The following MTARC1 variants were observed in gnomAD, a reference collection of about 807,000 sequenced individuals.
MTARC1 encodes the protein mitochondrial amidoxime reducing component 1.
In MTARC1, 24 loss-of-function variants were observed where a neutral mutation model predicts 33.6. That is an observed-to-expected ratio of 0.72 (90% confidence interval 0.52 to 1.01). The LOEUF is 1.01. Ranked by LOEUF, MTARC1 falls within the 50% of genes least tolerant of loss-of-function variation. The pLI, the probability that MTARC1 is intolerant of heterozygous loss-of-function variation, is 0.00. For synonymous variants in MTARC1, 187 were observed against 189.5 expected, an observed-to-expected ratio of 0.99 and a Z score of 0.11; for missense variants, 417 against 445.7, an observed-to-expected ratio of 0.94 and a Z score of 0.58.
intron 1 of MTARC1, among the ~76,000 whole-genome samples, chr1:220,789,921 G>T (rs1163469500): frequency 6.6e-6 from 1 of 152,206 alleles, no homozygotes; most frequent in East Asian, 1.9e-4. Flanking sequence ...GGGAAAACGA[G>T]GAGTTATTGC....
At chr1:220,791,707 C>T in intron 2 of MTARC1, 43 bp downstream of exon 2, 2 of 1,593,410 alleles carry the variant, frequency 1.3e-6, no homozygotes, top group Non-Finnish European at 8.6e-7. Context: ...AATGAATAGT[C>T]ATGCAATTTT....
chr1:220,793,376 G>A (rs970537814), intron 2 of MTARC1: 8 of 151,996 alleles, frequency 5.3e-5, no homozygotes, highest in African/African-American at 1.2e-4. Context: ...AGTCCCATAT[G>A]GGCATTTGGT....
intron 4 of MTARC1, among the ~76,000 whole-genome samples, chr1:220,804,176 C>T (rs1160358817): frequency 1.3e-5 from 2 of 152,112 alleles, no homozygotes; most frequent in African/African-American, 4.8e-5. Context: ...TCCCCTTACC[C>T]TTCTTTTGTG....
chr1:220,812,778 G>T (rs370823141), intron 6 of MTARC1, among the ~76,000 whole-genome samples: 1 of 151,664 alleles, frequency 6.6e-6, no homozygotes, highest in African/African-American at 2.4e-5. Context: ...AGGCTGGAGC[G>T]CAGTGGCACA....
intron 2 of MTARC1, among the ~76,000 whole-genome samples, chr1:220,794,886 A>G (rs1672556409): frequency 6.6e-6 from 1 of 152,210 alleles, no homozygotes; most frequent in Admixed American, 6.5e-5. Flanking sequence ...ACTTTTCTGC[A>G]TGAGTGTTAC....
chr1:220,802,498 GT>G (rs1672843970), intron 4 of MTARC1, among the ~76,000 whole-genome samples: 1 of 152,216 alleles, frequency 6.6e-6, no homozygotes, highest in Admixed American at 6.5e-5. Flanking sequence ...TGCCTGGCTA[GT>G]TTTTGTATTT....
Position 220,813,451 on chromosome 1 carries a change from T to C in MTARC1, c.*33T>C. The C allele has an allele frequency of 6.2e-7, 1 of 1,607,652 alleles. No individual in the cohort carries two copies. Among genetic ancestry groups the C allele is most frequent in the Non-Finnish European group, 8.5e-7 (1 of 1,175,302 alleles). On this transcript the variant is annotated 3_prime_UTR_variant, in exon 7 of 7. Transcript: ENST00000366910. ...CGTATGTCCTGGAATATTAGATGCC[T>C]TTTAAAAATGTTCTCAAAAATGACA...
At chr1:220,790,869 C>T (rs1162396948) in intron 1 of MTARC1, 7 of 152,138 alleles carry the variant, frequency 4.6e-5, no homozygotes, top group Middle Eastern at 6.8e-3. Context: ...CTAGGAAGTA[C>T]CTGTAGACCA....
rs1156813040 is a variant in MTARC1, at chr1:220,817,758, T to G, written c.*4340T>G. 6.6e-6 allele frequency: 1 copy of G among 152,342 alleles called. No homozygotes were observed. The highest frequency in any genetic ancestry group is 1.5e-5 in the Non-Finnish European group (1 of 68,134). The allele number at this position is 152,342 out of a possible 1,614,324, so 9.4% of individuals were successfully genotyped here. A position where few individuals can be genotyped will look rare whatever the true frequency, so the allele number is the denominator to read the frequency against. The stretch of plus-strand genomic sequence containing the variant: ...CACCACCACACCCAGCTAATTTTTG[T>G]ATTTTTAGTAGAGACGGGGTTTCAC... On this transcript the variant is annotated 3_prime_UTR_variant, in exon 7 of 7. Coordinates refer to ENST00000366910, the MANE Select transcript of MTARC1 (RefSeq NM_022746.4).
At chr1:220,807,692 C>T (rs909489544) in intron 6 of MTARC1, among the ~76,000 whole-genome samples, 1 of 152,080 alleles carries the variant, frequency 6.6e-6, no homozygotes, top group East Asian at 1.9e-4. Flanking sequence ...TCACCATTTG[C>T]CTGCTTGAGA....
At chr1:220,788,974 A>C (rs1203731977) in intron 1 of MTARC1, among the ~76,000 whole-genome samples, 3 of 152,158 alleles carry the variant, frequency 2.0e-5, no homozygotes, top group African/African-American at 7.2e-5. Flanking sequence ...ACTATGATAA[A>C]TTCTTTATTT....
chr1:220,810,036 C>T (rs1241412143), intron 6 of MTARC1, among the ~76,000 whole-genome samples: 2 of 152,164 alleles, frequency 1.3e-5, no homozygotes, highest in African/African-American at 4.8e-5. Flanking sequence ...TTACATTGCA[C>T]CTTGTAAATA....
At chr1:220,805,346 GT>G in intron 6 of MTARC1, 72 bp downstream of exon 6, 1 of 1,514,184 alleles carries the variant, frequency 6.6e-7, no homozygotes, top group Non-Finnish European at 9.2e-7. Context: ...GTTGCTTAAT[GT>G]TTATAAGAGG....
Position 220,819,287 on chromosome 1 carries a change from A to G in MTARC1, c.*5869A>G, listed in dbSNP as rs927669095. 19 of 152,320 alleles carry G rather than the reference A, an allele frequency of 1.2e-4. No individual in the cohort carries two copies. The highest frequency in any genetic ancestry group is 4.3e-4 in the African/African-American group (18 of 41,554). 9.4% of individuals were successfully genotyped at this position (152,320 alleles called of 1,614,324 possible). A position where few individuals can be genotyped will look rare whatever the true frequency, so the allele number is the denominator to read the frequency against. On this transcript the variant is annotated 3_prime_UTR_variant, in exon 7 of 7. Coordinates refer to ENST00000366910, the MANE Select transcript of MTARC1 (RefSeq NM_022746.4). ...CATGTCCCAAGGACAAATTTTAACA[A>G]CCATAATCTGCCCTCAGTCATCATA...
At chr1:220,802,703 A>T (rs910558530) in intron 4 of MTARC1, among the ~76,000 whole-genome samples, 2 of 152,108 alleles carry the variant, frequency 1.3e-5, no homozygotes, top group South Asian at 2.1e-4. Flanking sequence ...CCAGGCTCAG[A>T]GCGTGACAGT....
intron 2 of MTARC1, chr1:220,793,454 G>A (rs142822738): frequency 1.1e-4 from 17 of 152,256 alleles, no homozygotes; most frequent in Non-Finnish European, 1.5e-4. Context: ...GACATGCTAC[G>A]GTAGTATACA....
At position 220,814,807 on chromosome 1, in the gene MTARC1, A is replaced by G. The variant is rs1673240992; in HGVS notation, c.*1389A>G. The G allele has an allele frequency of 6.6e-6, 1 of 152,240 alleles. No homozygotes were observed. Among genetic ancestry groups the G allele is most frequent in the South Asian group, 2.1e-4 (1 of 4,824 alleles). The allele number at this position is 152,240 out of a possible 1,614,324, so 9.4% of individuals were successfully genotyped here. A position where few individuals can be genotyped will look rare whatever the true frequency, so the allele number is the denominator to read the frequency against. On this transcript the variant is annotated 3_prime_UTR_variant, in exon 7 of 7. Coordinates refer to ENST00000366910, the MANE Select transcript of MTARC1 (RefSeq NM_022746.4). ...AATGGGCAAAGCCAGTAATTCTGAC[A>G]CCTGACCACAGCTGGGTCTTCTGCA...
At position 220,816,782 on chromosome 1, in the gene MTARC1, C is replaced by G. The variant is rs1214914456; in HGVS notation, c.*3364C>G. 1 of 152,364 alleles carries G rather than the reference C, an allele frequency of 6.6e-6. No homozygotes were observed. Among genetic ancestry groups the G allele is most frequent in the African/African-American group, 2.4e-5 (1 of 41,462 alleles). The allele number at this position is 152,364 out of a possible 1,614,324, so 9.4% of individuals were successfully genotyped here. ...TCCCCTTGTCCTCTCCCTTGCCCCT[C>G]TTGCTGGAGTAAAAGGATGGAACTG... On this transcript the variant is annotated 3_prime_UTR_variant, in exon 7 of 7. Transcript: ENST00000366910.
At chr1:220,796,975 T>G (rs1479427832) in intron 3 of MTARC1, among the ~76,000 whole-genome samples, 170 bp downstream of exon 3, 1 of 152,190 alleles carries the variant, frequency 6.6e-6, no homozygotes, top group African/African-American at 2.4e-5. Context: ...GCATTGTTTG[T>G]TTCTTTGTTT....
Sources: allele counts gnomAD v4.1 joint callset (sites outside exome capture counted in the v4.1 genomes callset), GRCh38; gene constraint gnomAD v4.1.1; transcripts MANE v1.5; gene names NCBI Gene and HGNC (gene_info 2026-07-23, HGNC 2026-07-21).